Variants in EIF4G2 observed in about 807,000 individuals in gnomAD.
EIF4G2 encodes the protein DAP-5.
EIF4G2 carries 8 observed loss-of-function variants against 117.7 expected under a neutral mutation model. The ratio of observed to expected loss-of-function variants is 0.07; its 90% CI spans 0.04 to 0.12. EIF4G2 has a LOEUF of 0.12. Among genes scored for constraint, EIF4G2 ranks in the 10% least tolerant of loss-of-function variants. The probability of loss-of-function intolerance (pLI) is 1.00; values close to 1 mark genes in which losing one functional copy is unlikely to be tolerated. For missense variants in EIF4G2, 812 were observed against 1,086.2 expected (o/e 0.75, Z 3.55); for synonymous variants, 413 against 367.8 (o/e 1.12, Z -1.41).
rs780289806 is a variant in EIF4G2, at chr11:10,803,312, C to T, written c.814-18G>A. On this transcript the variant is annotated intron_variant, in intron 9 of 21. Transcript: ENST00000339995. This position sits in a 1 kb window ranked among gnomAD's most constrained non-coding sequence, Gnocchi z 4.0. ...ATTAAGGACTGATAAGAGAAGAATACATTCATTGGAAGAGCTAAAGCAAAT... is the reference window on the plus strand; with the variant it reads ...ATTAAGGACTGATAAGAGAAGAATATATTCATTGGAAGAGCTAAAGCAAAT... 9.9e-6 allele frequency: 16 copies of T among 1,610,142 alleles called. No individual in the cohort carries two copies. Among genetic ancestry groups the T allele is most frequent in the East Asian group, 2.2e-5 (1 of 44,858 alleles).
Position 10,803,695 on chromosome 11 carries a change from G to C in EIF4G2, c.703-105C>G. 5 of 1,184,780 alleles carry C rather than the reference G, an allele frequency of 4.2e-6. No individual in the cohort carries two copies. The highest frequency in any genetic ancestry group is 6.1e-6 in the Non-Finnish European group (5 of 819,498). 73.4% of individuals were successfully genotyped at this position (1,184,780 alleles called of 1,614,324 possible). A position where few individuals can be genotyped will look rare whatever the true frequency, so the allele number is the denominator to read the frequency against. ...CACTGACTCATTCACAGTTCCTACA[G>C]AATCTAGTATAGGGCTTTCTACCAG... On this transcript the variant is annotated intron_variant, in intron 8 of 21. Coordinates refer to ENST00000339995, the MANE Select transcript of EIF4G2 (RefSeq NM_001418.4). The surrounding 1 kb of genome is among the most constrained non-coding windows in gnomAD (Gnocchi z 4.0).
rs201735345 is a variant in EIF4G2 at position 10,800,055 on chromosome 11, A to T, written c.2119+35T>A. The T allele has an allele frequency of 2.7e-5, 43 of 1,596,140 alleles. No individual in the cohort carries two copies. In the African/African-American group the frequency reaches 5.2e-4, roughly 19 times the overall value. On this transcript the variant is annotated intron_variant, in intron 18 of 21. Coordinates refer to ENST00000339995, the MANE Select transcript of EIF4G2 (RefSeq NM_001418.4). ...ACCTGAAATCTCTAGATATAATATT[A>T]AAAAAACAAAACAAACAAGTCAGCA...
chr11:10,802,479 A>G (rs765248866), intron 11 of EIF4G2, 44 bp from the exon 12 acceptor site: 4 of 1,495,962 alleles, frequency 2.7e-6, no homozygotes, highest in Non-Finnish European at 8.9e-7. Flanking sequence ...TCTGGACACT[A>G]TTTCACTTAA....
chr11:10,800,114 C>T lies in EIF4G2; in HGVS notation c.2095G>A (p.Val699Ile). ...CCTGGGAGCATTTTCTGCATATTGA[C>T]CTTGCTTTGTTGAAAAAGTTCTGTT... The change falls in exon 18 of 22, where the codon GTC becomes ATC. Residue 699 changes from valine to isoleucine, a missense_variant. Val to Ile is a conservative substitution (Grantham distance 29). Coordinates refer to ENST00000339995, the MANE Select transcript of EIF4G2 (RefSeq NM_001418.4). 1.2e-6 allele frequency: 2 copies of T among 1,613,782 alleles called. No homozygotes were observed. Among genetic ancestry groups the T allele is most frequent in the South Asian group, 1.1e-5 (1 of 91,070 alleles).
intron 3 of EIF4G2, 58 bp from the exon 4 acceptor site, chr11:10,806,105 T>G: frequency 1.9e-6 from 3 of 1,607,014 alleles, no homozygotes; most frequent in Non-Finnish European, 2.6e-6. Flanking sequence ...TTAAACATCA[T>G]AAATTCTCTT....
In EIF4G2 at chr11:10,804,227, C is replaced by T. The variant is rs762044721; in HGVS notation, c.484-24G>A. ...GTCTGGAAAAGAAGACATTGTCATG[C>T]TTTATTAAGGAAATTTTTCAAGTCA... On this transcript the variant is annotated intron_variant, in intron 6 of 21. Transcript: ENST00000339995. 9.3e-6 allele frequency: 15 copies of T among 1,613,096 alleles called. 1 individual carries two copies. The highest frequency in any genetic ancestry group is 8.4e-5 in the Admixed American group (5 of 59,744).
At chr11:10,802,002 T>G in intron 13 of EIF4G2, 47 bp downstream of exon 13, 1 of 15,156 alleles carries the variant, frequency 6.6e-5, no homozygotes. Context: ...TTGAAATAAA[T>G]GTTGCAGATA....
intron 15 of EIF4G2, 60 bp downstream of exon 15, chr11:10,800,902 T>TA (rs1847398383): frequency 6.2e-7 from 1 of 1,611,644 alleles, no homozygotes; most frequent in Non-Finnish European, 8.5e-7. Flanking sequence ...AAGAACACAC[T>TA]AAATTTAGAA....
chr11:10,798,190 T>C (rs889059440), intron 21 of EIF4G2, among the ~76,000 whole-genome samples: 3 of 152,168 alleles, frequency 2.0e-5, no homozygotes, highest in Non-Finnish European at 4.4e-5. Flanking sequence ...TGAGAAAGAA[T>C]CACCTGGATT....
At chr11:10,802,740 G>A (rs963639892) in intron 11 of EIF4G2, among the ~76,000 whole-genome samples, 3 of 152,242 alleles carry the variant, frequency 2.0e-5, no homozygotes, top group African/African-American at 4.8e-5. Context: ...GGTGGCGCAC[G>A]CCTATAGTCC....
chr11:10,802,250 A>G, intron 12 of EIF4G2, 41 bp from the exon 13 acceptor site: 1 of 1,611,748 alleles, frequency 6.2e-7, no homozygotes, highest in Non-Finnish European at 8.5e-7. Flanking sequence ...ACTAAAGTTA[A>G]CTGATTTTTC....
At chr11:10,807,676 A>C (rs1449442892) in intron 1 of EIF4G2, 13 of 1,013,650 alleles carry the variant, frequency 1.3e-5, no homozygotes, top group Non-Finnish European at 1.5e-5. Context: ...ACTGAGATCA[A>C]TAGAAAAGTC....
At chr11:10,802,854 G>A (rs1234399323) in intron 11 of EIF4G2, among the ~76,000 whole-genome samples, 176 bp downstream of exon 11, 4 of 152,168 alleles carry the variant, frequency 2.6e-5, no homozygotes, top group Non-Finnish European at 4.4e-5. Flanking sequence ...GTGACAGTGC[G>A]AAACTCCGTC....
chr11:10,799,128 A>AG lies in EIF4G2; in HGVS notation c.2537-16_2537-15insC, dbSNP rs772083833. ...AAGTAACATGCCTTAAAAAAAAAAA[A>AG]AAAAAGAAAAAAGTAATAAGCCCAT... is the stretch of plus-strand genomic sequence containing the variant. On this transcript the variant is annotated splice_polypyrimidine_tract_variant and intron_variant, in intron 20 of 21. Coordinates refer to ENST00000339995, the MANE Select transcript of EIF4G2 (RefSeq NM_001418.4). 4.4e-6 allele frequency: 7 copies of AG among 1,576,950 alleles called. No homozygotes were observed. The highest frequency in any genetic ancestry group is 2.2e-5 in the East Asian group (1 of 44,734).
intron 21 of EIF4G2, 168 bp downstream of exon 21, chr11:10,798,824 A>T: frequency 1.2e-6 from 1 of 827,460 alleles, no homozygotes; most frequent in Non-Finnish European, 1.9e-6. Context: ...TTCATTGTGT[A>T]GCTTTACTTA....
At chr11:10,808,535 A>T (rs1847663500) in intron 1 of EIF4G2, 170 bp downstream of exon 1, 2 of 1,176,004 alleles carry the variant, frequency 1.7e-6, no homozygotes, top group South Asian at 1.4e-5. Context: ...AGGAAGAGAG[A>T]ACAAAAGCCA....
chr11:10,807,584 C>T (rs1031480577), intron 1 of EIF4G2: 1 of 1,216,032 alleles, frequency 8.2e-7, no homozygotes, highest in Non-Finnish European at 1.0e-6. Flanking sequence ...TGCAAAGAGA[C>T]TTCGTAGAAC....
In EIF4G2 at chr11:10,803,303, A is replaced by G; in HGVS notation, c.814-9T>C. The G allele has an allele frequency of 6.2e-7, 1 of 1,611,794 alleles. No individual in the cohort carries two copies. Among genetic ancestry groups the G allele is most frequent in the Non-Finnish European group, 8.5e-7 (1 of 1,179,208 alleles). ...TACTGATCCATTAAGGACTGATAAG[A>G]GAAGAATACATTCATTGGAAGAGCT... On this transcript the variant is annotated splice_polypyrimidine_tract_variant and intron_variant, in intron 9 of 21. Transcript: ENST00000339995. The surrounding 1 kb of genome is among the most constrained non-coding windows in gnomAD (Gnocchi z 4.0).
rs755097300 is a variant in EIF4G2 at position 10,799,088 on chromosome 11, G to A, written c.2562C>T (p.His854=). The A allele has an allele frequency of 6.3e-7, 1 of 1,581,456 alleles. No homozygotes were observed. The highest frequency in any genetic ancestry group is 8.6e-7 in the Non-Finnish European group (1 of 1,168,910). The stretch of plus-strand genomic sequence containing the variant: ...CTTCAATAATTTCCATGTCATAGAA[G>A]TGCACAAAAAAGCGAAGTAACATGC... Residue 854 remains histidine, a synonymous_variant, in exon 21 of 22, where the codon CAC becomes CAT. Coordinates refer to ENST00000339995, the MANE Select transcript of EIF4G2 (RefSeq NM_001418.4).
Sources: gnomAD v4.1 joint callset for allele counts (sites outside exome capture counted in the v4.1 genomes callset) on GRCh38, gnomAD v4.1.1 for gene constraint, Gnocchi (gnomAD v3.1) non-coding constraint, MANE v1.5 for transcripts, NCBI Gene and HGNC (gene_info 2026-07-23, HGNC 2026-07-21) for gene names.